Variants in CACNA2D1 observed in about 807,000 individuals in gnomAD.
The protein encoded by CACNA2D1 is calcium voltage-gated channel auxiliary subunit alpha2delta 1.
Under a neutral mutation model 171.5 loss-of-function variants are expected in CACNA2D1, and 53 were observed. The ratio of observed to expected loss-of-function variants is 0.31; its 90% CI spans 0.25 to 0.39. The LOEUF (loss-of-function observed/expected upper bound fraction) is 0.39, where lower values mean the gene tolerates loss of function less well. CACNA2D1 is among the 10% of genes least tolerant of loss of function. The pLI is 1.00. For synonymous variants in CACNA2D1, 442 were observed against 443.1 expected, an observed-to-expected ratio of 1.00 and a Z score of 0.03; for missense variants, 903 against 1,299.8, an observed-to-expected ratio of 0.69 and a Z score of 4.69.
chr7:82,107,866 T>C (rs1787940268), intron 6 of CACNA2D1, among the ~76,000 whole-genome samples: 1 of 152,154 alleles, frequency 6.6e-6, no homozygotes, highest in South Asian at 2.1e-4. Flanking sequence ...TTATAGACAT[T>C]AGCGTCCGCG....
intron 1 of CACNA2D1, among the ~76,000 whole-genome samples, chr7:82,384,285 A>G (rs919350657): frequency 6.6e-6 from 1 of 152,196 alleles, no homozygotes; most frequent in Non-Finnish European, 1.5e-5. Context: ...TTGCAAGGCA[A>G]TTAGGGTTAG....
intron 6 of CACNA2D1, among the ~76,000 whole-genome samples, chr7:82,111,270 A>T (rs1788339384): frequency 7.4e-6 from 1 of 134,844 alleles, no homozygotes; most frequent in Non-Finnish European, 1.5e-5. Context: ...ATATATATAC[A>T]CACACATATA....
At chr7:82,185,513 AGGAG>A (rs1797619064) in intron 3 of CACNA2D1, among the ~76,000 whole-genome samples, 2 of 15,978 alleles carry the variant, frequency 1.3e-4, no homozygotes, top group Non-Finnish European at 1.1e-4. Flanking sequence ...GGGGAGGGGG[AGGAG>A]GGGGAGGAGG....
At chr7:82,037,994 G>C (rs1803513580) in intron 11 of CACNA2D1, 83 bp downstream of exon 11, 46 of 1,343,516 alleles carry the variant, frequency 3.4e-5, no homozygotes, top group Non-Finnish European at 4.8e-5. Context: ...TCTAATCCCA[G>C]AGAGTAGTAA....
At chr7:82,151,521 C>T (rs1452776353) in intron 4 of CACNA2D1, among the ~76,000 whole-genome samples, 2 of 151,932 alleles carry the variant, frequency 1.3e-5, no homozygotes, top group African/African-American at 2.4e-5. Context: ...GCAAAGAATT[C>T]CAAATTCAGA....
intron 3 of CACNA2D1, among the ~76,000 whole-genome samples, chr7:82,302,271 T>C (rs1299737465): frequency 6.6e-6 from 1 of 152,184 alleles, no homozygotes; most frequent in Non-Finnish European, 1.5e-5. Flanking sequence ...CATAAATTTC[T>C]AAATGGTAAC....
chr7:82,081,728 G>A (rs926343705), intron 7 of CACNA2D1, among the ~76,000 whole-genome samples: 1 of 152,174 alleles, frequency 6.6e-6, no homozygotes, highest in Admixed American at 6.5e-5. Flanking sequence ...CCCCTGCCCA[G>A]GCCTTGCTTG....
At chr7:82,318,307 T>C (rs936380191) in intron 3 of CACNA2D1, among the ~76,000 whole-genome samples, 46 of 152,306 alleles carry the variant, frequency 3.0e-4, no homozygotes, top group African/African-American at 1.1e-3. Flanking sequence ...TTGATCTTTA[T>C]GCAACTACAT....
chr7:82,211,751 T>C (rs1163002643), intron 3 of CACNA2D1, among the ~76,000 whole-genome samples: 2 of 152,214 alleles, frequency 1.3e-5, no homozygotes, highest in East Asian at 3.8e-4. Context: ...GGTCAAATGG[T>C]AGTTTTGTTT....
chr7:82,211,518 G>A (rs1800551482), intron 3 of CACNA2D1, among the ~76,000 whole-genome samples: 1 of 152,182 alleles, frequency 6.6e-6, no homozygotes, highest in African/African-American at 2.4e-5. Context: ...CTGCATCTGT[G>A]TTGCTGCCAA....
chr7:82,055,707 G>T (rs867072068), intron 10 of CACNA2D1, among the ~76,000 whole-genome samples: 6 of 131,796 alleles, frequency 4.6e-5, no homozygotes, highest in South Asian at 5.0e-4. Flanking sequence ...GGTGGGAATT[G>T]AACAATGAGA....
intron 1 of CACNA2D1, among the ~76,000 whole-genome samples, chr7:82,371,589 TATTA>T (rs1822421375): frequency 6.6e-6 from 1 of 151,610 alleles, no homozygotes; most frequent in Non-Finnish European, 1.5e-5. Context: ...TTATTATTAT[TATTA>T]TTTTGCAACA....
At chr7:82,099,255 C>T (rs1029226813) in intron 6 of CACNA2D1, among the ~76,000 whole-genome samples, 42 of 152,024 alleles carry the variant, frequency 2.8e-4, no homozygotes, top group Admixed American at 1.9e-3. Flanking sequence ...ATTCATTTTA[C>T]TGAGACATCA....
intron 6 of CACNA2D1, among the ~76,000 whole-genome samples, chr7:82,112,359 A>G (rs1489192092): frequency 6.6e-5 from 10 of 152,332 alleles, no homozygotes; most frequent in Non-Finnish European, 2.9e-5. Context: ...ATGGTCTACC[A>G]AAACCATGAA....
At chr7:82,017,298 TAA>T (rs1213697810) in intron 12 of CACNA2D1, among the ~76,000 whole-genome samples, 1 of 152,046 alleles carries the variant, frequency 6.6e-6, no homozygotes, top group Non-Finnish European at 1.5e-5. Context: ...AAAATCAATA[TAA>T]AAAAATTTCA....
At chr7:82,019,181 A>C (rs1199478684) in intron 12 of CACNA2D1, among the ~76,000 whole-genome samples, 1 of 151,532 alleles carries the variant, frequency 6.6e-6, no homozygotes, top group African/African-American at 2.4e-5. Flanking sequence ...TTAGCTGGGC[A>C]TGGTGGCACA....
At chr7:82,443,856 G>T (rs554635558), upstream of CACNA2D1, 165 of 451,162 alleles carry the variant, frequency 3.7e-4, no homozygotes, top group African/African-American at 2.9e-3. Context: ...GCGGAGGAGG[G>T]GTGACGGCGC....
intron 3 of CACNA2D1, among the ~76,000 whole-genome samples, chr7:82,200,662 T>G (rs1246276376): frequency 6.6e-6 from 1 of 152,180 alleles, no homozygotes; most frequent in Non-Finnish European, 1.5e-5. Flanking sequence ...TTACTCTTTT[T>G]GTCAAGTTGC....
At chr7:82,220,734 G>A (rs1801649266) in intron 3 of CACNA2D1, among the ~76,000 whole-genome samples, 1 of 151,222 alleles carries the variant, frequency 6.6e-6, no homozygotes, top group Admixed American at 6.6e-5. Flanking sequence ...CTTTTGTGAT[G>A]CTACAATAAA....
Sources: gnomAD v4.1 joint callset for allele counts (sites outside exome capture counted in the v4.1 genomes callset) on GRCh38, gnomAD v4.1.1 for gene constraint, MANE v1.5 for transcripts, NCBI Gene and HGNC (gene_info 2026-07-23, HGNC 2026-07-21) for gene names.